The following LRCH1 variants were observed in gnomAD, a reference collection of about 807,000 sequenced individuals.
LRCH1 encodes leucine-rich repeat and calponin homology domain-containing protein 1.
A neutral mutation model predicts 94.9 loss-of-function variants in LRCH1; 23 were observed. That is an observed-to-expected ratio of 0.24 (90% CI 0.17 to 0.34). LRCH1 has a LOEUF of 0.34. Ranked by LOEUF, LRCH1 falls within the 10% of genes least tolerant of loss-of-function variation. The probability of loss-of-function intolerance (pLI) is 1.00; values close to 1 mark genes in which losing one functional copy is unlikely to be tolerated. For missense variants in LRCH1, 790 were observed against 945.9 expected, an observed-to-expected ratio of 0.84 and a Z score of 2.16; for synonymous variants, 364 against 354.9, an observed-to-expected ratio of 1.03 and a Z score of -0.29.
chr13:46,705,199 T>C, intron 12 of LRCH1, 42 bp downstream of exon 12: 2 of 1,590,964 alleles, frequency 1.3e-6, no homozygotes, highest in Non-Finnish European at 1.7e-6. Flanking sequence ...TCTCTTTTCA[T>C]AATACATTGA....
At chr13:46,568,638 G>A (rs914514078) in intron 1 of LRCH1, among the ~76,000 whole-genome samples, 1 of 152,174 alleles carries the variant, frequency 6.6e-6, no homozygotes, top group African/African-American at 2.4e-5. Context: ...GCATACATAG[G>A]AAGGAGTCCG....
chr13:46,678,964 C>G (rs1566219870), intron 3 of LRCH1, among the ~76,000 whole-genome samples: 1 of 152,168 alleles, frequency 6.6e-6, no homozygotes, highest in East Asian at 1.9e-4. Context: ...CTTATTTATT[C>G]AGAGAAAGAT....
chr13:46,570,049 AATG>A (rs1220691009), intron 1 of LRCH1, among the ~76,000 whole-genome samples: 1 of 152,168 alleles, frequency 6.6e-6, no homozygotes, highest in African/African-American at 2.4e-5. Context: ...TAAGAATAAG[AATG>A]ATAATAGCTT....
chr13:46,676,369 A>G (rs893803147), intron 3 of LRCH1, among the ~76,000 whole-genome samples: 3 of 152,214 alleles, frequency 2.0e-5, no homozygotes, highest in Non-Finnish European at 4.4e-5. Context: ...GTTTCAACCA[A>G]AATCATTTCA....
At chr13:46,673,336 T>A (rs951307343) in intron 3 of LRCH1, among the ~76,000 whole-genome samples, 1 of 152,204 alleles carries the variant, frequency 6.6e-6, no homozygotes, top group East Asian at 1.9e-4. Flanking sequence ...TTGGCAAAAA[T>A]TTAATAAGTG....
intron 1 of LRCH1, among the ~76,000 whole-genome samples, chr13:46,631,317 TA>T (rs1057084986): frequency 1.3e-5 from 2 of 152,236 alleles, no homozygotes; most frequent in Non-Finnish European, 2.9e-5. Flanking sequence ...TGAGGCTTTT[TA>T]GGTGGCTTCC....
intron 1 of LRCH1, among the ~76,000 whole-genome samples, chr13:46,567,644 A>G (rs929604331): frequency 2.6e-5 from 4 of 152,094 alleles, no homozygotes; most frequent in African/African-American, 4.8e-5. Flanking sequence ...GATATTTACA[A>G]TGAATGCTTT....
chr13:46,683,665 G>A (rs929231451), intron 4 of LRCH1, among the ~76,000 whole-genome samples: 11 of 152,126 alleles, frequency 7.2e-5, no homozygotes, highest in African/African-American at 2.7e-4. Flanking sequence ...GCAATTGCCT[G>A]TCATAGTCTG....
chr13:46,557,092 G>A (rs150717417), intron 1 of LRCH1, among the ~76,000 whole-genome samples: 1 of 152,006 alleles, frequency 6.6e-6, no homozygotes, highest in African/African-American at 2.4e-5. Flanking sequence ...ATGATGACTA[G>A]TAATACATAT....
At chr13:46,584,844 G>GA (rs999873156) in intron 1 of LRCH1, among the ~76,000 whole-genome samples, 13 of 152,120 alleles carry the variant, frequency 8.5e-5, no homozygotes, top group African/African-American at 2.7e-4. Flanking sequence ...CAGTTGCTAC[G>GA]AAAAAAAGTG....
intron 2 of LRCH1, among the ~76,000 whole-genome samples, chr13:46,659,447 T>G (rs1487213457): frequency 6.6e-6 from 1 of 151,918 alleles, no homozygotes; most frequent in Non-Finnish European, 1.5e-5. Context: ...CCCCTCTCAG[T>G]CTCCCAAAGT....
At chr13:46,737,406 G>A (rs1873438800) in intron 19 of LRCH1, among the ~76,000 whole-genome samples, 1 of 152,154 alleles carries the variant, frequency 6.6e-6, no homozygotes, top group Non-Finnish European at 1.5e-5. Flanking sequence ...AACCCTTGGT[G>A]GTATTTTAAG....
At chr13:46,737,033 A>G (rs1372034155) in intron 19 of LRCH1, among the ~76,000 whole-genome samples, 3 of 152,230 alleles carry the variant, frequency 2.0e-5, no homozygotes, top group East Asian at 1.9e-4. Flanking sequence ...GGATGGAAAT[A>G]ATAATAAATG....
chr13:46,715,045 G>GA (rs1212994202), intron 15 of LRCH1, among the ~76,000 whole-genome samples: 3 of 151,784 alleles, frequency 2.0e-5, no homozygotes, highest in Non-Finnish European at 4.4e-5. Flanking sequence ...TTGCTTTGGA[G>GA]AAAAAAAATC....
At chr13:46,709,568 A>T (rs1871949202) in intron 13 of LRCH1, among the ~76,000 whole-genome samples, 2 of 152,118 alleles carry the variant, frequency 1.3e-5, no homozygotes, top group Admixed American at 1.3e-4. Context: ...AATGTCTTTG[A>T]GCTTTCACTC....
chr13:46,635,206 C>T (rs938617974), intron 1 of LRCH1, among the ~76,000 whole-genome samples: 8 of 152,192 alleles, frequency 5.3e-5, no homozygotes, highest in Non-Finnish European at 8.8e-5. Flanking sequence ...GCACTCACAC[C>T]GCCGTGCTCT....
intron 19 of LRCH1, among the ~76,000 whole-genome samples, chr13:46,735,834 C>T (rs7986628): frequency 0.18 from 23,664 of 132,908 alleles, 2,491 homozygotes; most frequent in African/African-American, 0.32. Flanking sequence ...ACTCTGTCAC[C>T]TGGCCAGACT....
chr13:46,744,345 T>C lies in LRCH1; in HGVS notation c.*2497T>C. 1.0e-6 allele frequency: 1 copy of C among 985,452 alleles called. No homozygotes were observed. Among genetic ancestry groups the C allele is most frequent in the African/African-American group, 1.7e-5 (1 of 57,364 alleles). 61.0% of individuals were successfully genotyped at this position (985,452 alleles called of 1,614,324 possible). The stretch of plus-strand genomic sequence containing the variant: ...TTAGATAAAAGGAGCCAAGTATCTA[T>C]TTACATTTTATTTTGAAATAGCCAT... On this transcript the variant is annotated 3_prime_UTR_variant, in exon 20 of 20. Transcript: ENST00000389797.
rs79971665 is a variant in LRCH1 at position 46,741,966 on chromosome 13, C to T, written c.*118C>T. 5,458 of 1,544,294 alleles carry T rather than the reference C, an allele frequency of 3.5e-3. 128 individuals carry two copies. In the African/African-American group the frequency reaches 0.054, roughly 15 times the overall value. ...CCCTGTCATGTCTTCAGTTATCTCT[C>T]GAGTTTTGAAGCTGAACAGTAGCAA... On this transcript the variant is annotated 3_prime_UTR_variant, in exon 20 of 20. Transcript: ENST00000389797.
Sources: allele counts gnomAD v4.1 joint callset (sites outside exome capture counted in the v4.1 genomes callset), GRCh38; gene constraint gnomAD v4.1.1; transcripts MANE v1.5; gene names NCBI Gene and HGNC (gene_info 2026-07-23, HGNC 2026-07-21).